Variants in CLVS2 observed in about 807,000 individuals in gnomAD.
The protein encoded by CLVS2 is clavesin-2.
Under a neutral mutation model 29.0 loss-of-function variants are expected in CLVS2, and 19 were observed. The ratio of observed to expected loss-of-function variants is 0.66; its 90% CI spans 0.46 to 0.96. CLVS2 has a LOEUF of 0.96. Among genes scored for constraint, CLVS2 ranks in the 40% least tolerant of loss-of-function variants. The probability of loss-of-function intolerance (pLI) is 0.00; values close to 1 mark genes in which losing one functional copy is unlikely to be tolerated. For synonymous variants in CLVS2, 161 were observed against 151.3 expected (o/e 1.06, Z -0.47); for missense variants, 294 against 404.1 (o/e 0.73, Z 2.34).
chr6:123,054,507 T>C (rs1204739804), intron 4 of CLVS2, among the ~76,000 whole-genome samples: 1 of 152,216 alleles, frequency 6.6e-6, no homozygotes, highest in East Asian at 1.9e-4. Flanking sequence ...GCTTATTAAG[T>C]GGCAACTACC....
intron 3 of CLVS2, among the ~76,000 whole-genome samples, chr6:123,030,227 A>C (rs575148457): frequency 6.6e-6 from 1 of 152,072 alleles, no homozygotes; most frequent in East Asian, 1.9e-4. Context: ...TTTTTTGTTC[A>C]TTTCTATCCG....
intron 3 of CLVS2, among the ~76,000 whole-genome samples, chr6:123,023,717 GT>G (rs1409492231): frequency 2.6e-5 from 4 of 152,134 alleles, no homozygotes; most frequent in Non-Finnish European, 5.9e-5. Context: ...TCCAATCACA[GT>G]TTTCTCTTCT....
At chr6:123,008,115 C>G (rs986102811) in intron 2 of CLVS2, among the ~76,000 whole-genome samples, 11 of 152,094 alleles carry the variant, frequency 7.2e-5, no homozygotes, top group Admixed American at 6.6e-4. Flanking sequence ...AGATGTTTGA[C>G]AACAGAGGAG....
At chr6:123,043,455 C>T (rs772423608) in intron 3 of CLVS2, among the ~76,000 whole-genome samples, 24 of 152,026 alleles carry the variant, frequency 1.6e-4, no homozygotes, top group Admixed American at 1.2e-3. Context: ...TACACCTTAT[C>T]ACTATATGCC....
chr6:123,039,339 A>G (rs1250679558), intron 3 of CLVS2, among the ~76,000 whole-genome samples: 1 of 152,204 alleles, frequency 6.6e-6, no homozygotes, highest in African/African-American at 2.4e-5. Context: ...TGGAGCTACA[A>G]GCCTCAATAC....
At chr6:123,024,873 G>A (rs1774978470) in intron 3 of CLVS2, among the ~76,000 whole-genome samples, 1 of 152,060 alleles carries the variant, frequency 6.6e-6, no homozygotes, top group African/African-American at 2.4e-5. Flanking sequence ...ATTAAGCCAT[G>A]TGTTCCTAGG....
intron 5 of CLVS2, among the ~76,000 whole-genome samples, chr6:123,060,500 C>T (rs1040198790): frequency 2.0e-5 from 3 of 152,136 alleles, no homozygotes; most frequent in African/African-American, 4.8e-5. Flanking sequence ...TTCCAATGCT[C>T]TATGTATGTT....
intron 3 of CLVS2, among the ~76,000 whole-genome samples, chr6:123,031,177 C>T (rs1775078524): frequency 6.6e-6 from 1 of 152,048 alleles, no homozygotes; most frequent in Non-Finnish European, 1.5e-5. Context: ...CGCCATGTTG[C>T]CCAGACTGTT....
At chr6:123,049,804 T>TGGGG (rs531705671) in intron 4 of CLVS2, among the ~76,000 whole-genome samples, 85 of 118,774 alleles carry the variant, frequency 7.2e-4, no homozygotes, top group Non-Finnish European at 1.0e-3. Context: ...TGTTGTGGGA[T>TGGGG]GGGGGGCGGG....
Position 123,055,947 on chromosome 6 carries a change from G to A in CLVS2, c.817G>A (p.Asp273Asn). ...RTLLDHEYDD[D>N]SEYNVDSYSM... ...ACTGCTAGACCATGAATATGACGATGACAGCGAGTACAATGTAGACTCCTA... is the reference window on the plus strand; with the variant it reads ...ACTGCTAGACCATGAATATGACGATAACAGCGAGTACAATGTAGACTCCTA... Residue 273 changes from aspartate (D) to asparagine (N), a missense_variant, in exon 5 of 6, where the codon GAC becomes AAC. Transcript: ENST00000275162. The A allele has an allele frequency of 6.2e-7, 1 of 1,614,040 alleles. No individual in the cohort carries two copies. The highest frequency in any genetic ancestry group is 8.5e-7 in the Non-Finnish European group (1 of 1,179,968).
At position 123,066,085 on chromosome 6, in the gene CLVS2, C is replaced by T. The variant is rs528188399; in HGVS notation, c.*2324C>T. 4 of 151,550 alleles carry T rather than the reference C, an allele frequency of 2.6e-5. No homozygotes were observed. The highest frequency in any genetic ancestry group is 7.3e-5 in the African/African-American group (3 of 41,362). The allele number at this position is 151,550 out of a possible 1,614,324, so 9.4% of individuals were successfully genotyped here. ...AATGAACAAATTACAATGATGATGC[C>T]TTTTGAAATTACCATATCTAGTTCA... On this transcript the variant is annotated 3_prime_UTR_variant, in exon 6 of 6. Coordinates refer to ENST00000275162, the MANE Select transcript of CLVS2 (RefSeq NM_001010852.4).
In CLVS2 at chr6:122,998,025, T is replaced by A; in HGVS notation, c.248T>A (p.Leu83Gln). ...AQYFEYRQQN[L>Q]DMFKSFKATD... Reference sequence around the variant, plus strand: ...TACTTTGAGTACCGGCAGCAGAACCTGGACATGTTCAAAAGCTTTAAGGCC... The same window carrying A: ...TACTTTGAGTACCGGCAGCAGAACCAGGACATGTTCAAAAGCTTTAAGGCC... The change falls in exon 2 of 6, where the codon CTG (leucine) becomes CAG (glutamine). Residue 83 changes from leucine to glutamine, a missense_variant. This residue lies in a region of CLVS2 where 212 missense variants were observed against 336.4 expected (regional missense o/e 0.63). Coordinates refer to ENST00000275162, the MANE Select transcript of CLVS2 (RefSeq NM_001010852.4). 6.2e-7 allele frequency: 1 copy of A among 1,614,186 alleles called. No individual in the cohort carries two copies. Among genetic ancestry groups the A allele is most frequent in the Non-Finnish European group, 8.5e-7 (1 of 1,180,028 alleles).
intron 3 of CLVS2, among the ~76,000 whole-genome samples, chr6:123,041,008 G>C (rs1367713617): frequency 6.6e-6 from 1 of 152,068 alleles, no homozygotes; most frequent in African/African-American, 2.4e-5. Context: ...GTGCTATCTT[G>C]TATGAAACAA....
intron 2 of CLVS2, among the ~76,000 whole-genome samples, chr6:122,999,263 A>C (rs1335588892): frequency 6.6e-6 from 1 of 152,192 alleles, no homozygotes; most frequent in African/African-American, 2.4e-5. Flanking sequence ...GGGCTTATGG[A>C]TCATAGAGAT....
intron 3 of CLVS2, among the ~76,000 whole-genome samples, chr6:123,044,171 C>A (rs1175689892): frequency 1.3e-5 from 2 of 152,182 alleles, no homozygotes; most frequent in African/African-American, 4.8e-5. Flanking sequence ...ATCTTGGCTG[C>A]ACTCTTCCTG....
At chr6:123,040,650 G>A (rs2114345237) in intron 3 of CLVS2, among the ~76,000 whole-genome samples, 1 of 152,190 alleles carries the variant, frequency 6.6e-6, no homozygotes, top group Admixed American at 6.5e-5. Flanking sequence ...AAAATTAGCT[G>A]GGCGTAGTGG....
At chr6:123,054,517 C>T (rs953195220) in intron 4 of CLVS2, among the ~76,000 whole-genome samples, 10 of 152,182 alleles carry the variant, frequency 6.6e-5, no homozygotes, top group Non-Finnish European at 1.3e-4. Context: ...TGGCAACTAC[C>T]ATCTTCTAAT....
At chr6:123,002,888 G>A (rs1774611278) in intron 2 of CLVS2, among the ~76,000 whole-genome samples, 1 of 152,186 alleles carries the variant, frequency 6.6e-6, no homozygotes, top group Non-Finnish European at 1.5e-5. Context: ...GTGGATACTG[G>A]TTAGGGCAAA....
At chr6:123,007,970 T>C (rs1200454156) in intron 2 of CLVS2, among the ~76,000 whole-genome samples, 1 of 152,274 alleles carries the variant, frequency 6.6e-6, no homozygotes, top group Admixed American at 6.5e-5. Context: ...AAGGAGAGTA[T>C]GGCAGGAGTC....
Sources: gnomAD v4.1 joint callset for allele counts (sites outside exome capture counted in the v4.1 genomes callset) on GRCh38, gnomAD v4.1.1 for gene constraint, gnomAD v4.1.1 regional missense constraint, MANE v1.5 for transcripts, NCBI Gene and HGNC (gene_info 2026-07-23, HGNC 2026-07-21) for gene names.